Variants in GPC5 observed in about 807,000 individuals in gnomAD.
The protein encoded by GPC5 is glypican-5.
GPC5 carries 47 observed loss-of-function variants against 53.9 expected under a neutral mutation model. That is an observed-to-expected ratio of 0.87 (90% CI 0.69 to 1.11). The LOEUF (loss-of-function observed/expected upper bound fraction) is 1.11, where lower values mean the gene tolerates loss of function less well. Ranked by LOEUF, GPC5 falls within the 50% of genes most tolerant of loss-of-function variation. GPC5 has a pLI of 0.00. For synonymous variants in GPC5, 286 were observed against 263.3 expected, an observed-to-expected ratio of 1.09 and a Z score of -0.84; for missense variants, 748 against 713.1, an observed-to-expected ratio of 1.05 and a Z score of -0.56.
At chr13:91,589,289 G>A (rs995956349) in intron 2 of GPC5, among the ~76,000 whole-genome samples, 3 of 151,746 alleles carry the variant, frequency 2.0e-5, no homozygotes, top group African/African-American at 4.8e-5. Context: ...TATTTCTTGG[G>A]TTTCCTCCTT....
intron 6 of GPC5, among the ~76,000 whole-genome samples, chr13:91,921,764 A>G (rs1175784250): frequency 1.4e-5 from 2 of 147,824 alleles, no homozygotes; most frequent in Admixed American, 6.8e-5. Flanking sequence ...TGGGCAACAT[A>G]GCAAGACTGC....
chr13:92,263,904 G>A (rs1166451679), intron 7 of GPC5, among the ~76,000 whole-genome samples: 1 of 152,050 alleles, frequency 6.6e-6, no homozygotes, highest in East Asian at 1.9e-4. Context: ...GAATTGCTGC[G>A]ATAATTTCAC....
At chr13:92,133,289 A>G (rs1020835219) in intron 6 of GPC5, among the ~76,000 whole-genome samples, 4 of 152,306 alleles carry the variant, frequency 2.6e-5, no homozygotes, top group African/African-American at 9.6e-5. Context: ...TCAGAATGAC[A>G]TTTGTGAAGC....
chr13:91,529,777 T>C (rs942427982), intron 2 of GPC5, among the ~76,000 whole-genome samples: 5 of 152,166 alleles, frequency 3.3e-5, no homozygotes, highest in African/African-American at 7.2e-5. Flanking sequence ...GTCCTGGGGA[T>C]TTTCCCCTGG....
chr13:91,831,216 C>T (rs1281718183), intron 5 of GPC5, among the ~76,000 whole-genome samples: 1 of 150,780 alleles, frequency 6.6e-6, no homozygotes, highest in Non-Finnish European at 1.5e-5. Context: ...CCGAGTGAGT[C>T]CCAAAACTTG....
At position 92,443,944 on chromosome 13, in the gene GPC5, T is replaced by G. The variant is rs139493983; in HGVS notation, c.1561+298955T>G. On this transcript the variant is annotated intron_variant, in intron 7 of 7. Transcript: ENST00000377067. Reference sequence around the variant, plus strand: ...CAGCTGAGATGAGAAACCACACATGTGTGGATTCCTATTATTTCCCAGTCA... The same window carrying G: ...CAGCTGAGATGAGAAACCACACATGGGTGGATTCCTATTATTTCCCAGTCA... Among the ~76,000 whole-genome samples the G allele has an allele frequency of 2.7e-3, 413 of 152,296 alleles. 2 individuals are homozygous for G. The highest frequency in any genetic ancestry group is 0.01 in the Middle Eastern group (3 of 294).
chr13:91,511,829 G>A (rs1051328098), intron 2 of GPC5, among the ~76,000 whole-genome samples: 8 of 151,830 alleles, frequency 5.3e-5, no homozygotes, highest in South Asian at 2.1e-4. Context: ...CATCTTGGGC[G>A]TATATGAACC....
At position 91,837,450 on chromosome 13, in the gene GPC5, T is replaced by C. The variant is rs560226610; in HGVS notation, c.1281-70487T>C. Among the ~76,000 whole-genome samples the C allele has an allele frequency of 1.2e-4, 18 of 152,208 alleles. No homozygotes were observed. In the South Asian group the frequency reaches 3.3e-3, roughly 28 times the overall value. ...AGCTTCTTGTGCATAAGTTACAGTC[T>C]GGGACTGCTGCAGGAACTTAAGAAG... On this transcript the variant is annotated intron_variant, in intron 5 of 7. Transcript: ENST00000377067.
intron 2 of GPC5, among the ~76,000 whole-genome samples, chr13:91,599,705 T>C (rs2033114112): frequency 6.6e-6 from 1 of 152,206 alleles, no homozygotes; most frequent in Non-Finnish European, 1.5e-5. Flanking sequence ...TACATAGTCC[T>C]CCATTTCAGG....
intron 7 of GPC5, among the ~76,000 whole-genome samples, chr13:92,270,971 A>G (rs1240243276): frequency 6.6e-6 from 1 of 152,206 alleles, no homozygotes; most frequent in Non-Finnish European, 1.5e-5. Flanking sequence ...ACCATGCTCA[A>G]GCACACTACC....
At chr13:91,847,385 A>C (rs2038863553) in intron 5 of GPC5, among the ~76,000 whole-genome samples, 1 of 152,050 alleles carries the variant, frequency 6.6e-6, no homozygotes, top group African/African-American at 2.4e-5. Context: ...ATGTACACAT[A>C]CACATAGATA....
At chr13:92,458,304 G>C (rs61449937) in intron 7 of GPC5, among the ~76,000 whole-genome samples, 1 of 132,028 alleles carries the variant, frequency 7.6e-6, no homozygotes. Flanking sequence ...TTCTTTTTTT[G>C]GGGGGGGCAG....
chr13:92,240,460 G>T (rs906257256), intron 7 of GPC5: 3 of 152,032 alleles, frequency 2.0e-5, no homozygotes, highest in Non-Finnish European at 4.4e-5. Flanking sequence ...TCTGTTAAAA[G>T]AATGTTGCAT....
At chr13:91,843,056 T>C (rs938661895) in intron 5 of GPC5, among the ~76,000 whole-genome samples, 7 of 152,208 alleles carry the variant, frequency 4.6e-5, no homozygotes, top group African/African-American at 1.4e-4. Context: ...ATTTGAATAA[T>C]CTGCCATAGC....
intron 6 of GPC5, among the ~76,000 whole-genome samples, chr13:92,036,565 G>A (rs1000914309): frequency 1.3e-5 from 2 of 152,122 alleles, no homozygotes; most frequent in Admixed American, 1.3e-4. Flanking sequence ...CTTTAGTTTT[G>A]CTGTGAAATA....
chr13:92,473,913 C>T (rs1041974784), intron 7 of GPC5, among the ~76,000 whole-genome samples: 2 of 152,080 alleles, frequency 1.3e-5, no homozygotes, highest in African/African-American at 2.4e-5. Context: ...AATACTTGCT[C>T]TTTATGACAA....
chr13:92,247,398 T>G (rs2042660636), intron 7 of GPC5, among the ~76,000 whole-genome samples: 1 of 152,168 alleles, frequency 6.6e-6, no homozygotes, highest in South Asian at 2.1e-4. Flanking sequence ...ATAGCTGAAC[T>G]GTAATTCAAA....
chr13:92,665,646 A>G (rs1353496944), intron 7 of GPC5, among the ~76,000 whole-genome samples: 1 of 152,204 alleles, frequency 6.6e-6, no homozygotes, highest in East Asian at 1.9e-4. Context: ...TCTTAATTCA[A>G]TACCATTGCT....
intron 5 of GPC5, among the ~76,000 whole-genome samples, chr13:91,829,409 G>T (rs1200888016): frequency 1.3e-5 from 2 of 152,012 alleles, no homozygotes; most frequent in African/African-American, 2.4e-5. Context: ...AAAAACTATG[G>T]AGGACATAAT....
Sources: allele counts gnomAD v4.1 joint callset (sites outside exome capture counted in the v4.1 genomes callset), GRCh38; gene constraint gnomAD v4.1.1; transcripts MANE v1.5; gene names NCBI Gene and HGNC (gene_info 2026-07-23, HGNC 2026-07-21).